NPAS3: variants seen among roughly 807,000 people sequenced by gnomAD.
NPAS3 encodes the protein neuronal PAS domain protein 3, also known as neuronal PAS domain-containing protein 3.
NPAS3 carries 14 observed loss-of-function variants against 73.1 expected under a neutral mutation model. The ratio of observed to expected loss-of-function variants is 0.19; its 90% CI spans 0.13 to 0.30. The LOEUF (loss-of-function observed/expected upper bound fraction) is 0.30, where lower values mean the gene tolerates loss of function less well. Among genes scored for constraint, NPAS3 ranks in the 10% least tolerant of loss-of-function variants. The probability of loss-of-function intolerance (pLI) is 1.00; values close to 1 mark genes in which losing one functional copy is unlikely to be tolerated. For missense variants in NPAS3, 1,096 were observed against 1,250.0 expected (o/e 0.88, Z 1.86); for synonymous variants, 620 against 541.5 (o/e 1.14, Z -2.01).
At chr14:33,087,649 T>C (rs536911493) in intron 2 of NPAS3, among the ~76,000 whole-genome samples, 87 of 152,248 alleles carry the variant, frequency 5.7e-4, no homozygotes, top group African/African-American at 2.0e-3. Flanking sequence ...ATGCCAGTCA[T>C]GGTTGGGGGA....
At chr14:33,404,741 G>A (rs1271866880) in intron 4 of NPAS3, among the ~76,000 whole-genome samples, 1 of 152,032 alleles carries the variant, frequency 6.6e-6, no homozygotes, top group African/African-American at 2.4e-5. Flanking sequence ...GACACTTTAT[G>A]AAAATGACAT....
intron 7 of NPAS3, among the ~76,000 whole-genome samples, chr14:33,740,034 T>A (rs1217658863): frequency 6.6e-6 from 1 of 152,172 alleles, no homozygotes; most frequent in Non-Finnish European, 1.5e-5. Flanking sequence ...CATTTTGAGA[T>A]TTTACTTACA....
At chr14:33,546,214 T>C (rs763106836) in intron 4 of NPAS3, among the ~76,000 whole-genome samples, 3 of 152,202 alleles carry the variant, frequency 2.0e-5, no homozygotes, top group Non-Finnish European at 4.4e-5. Flanking sequence ...GGCAGAGATA[T>C]GAAAGAATCC....
At chr14:33,189,719 C>T (rs1174489366) in intron 2 of NPAS3, among the ~76,000 whole-genome samples, 1 of 152,138 alleles carries the variant, frequency 6.6e-6, no homozygotes, top group Non-Finnish European at 1.5e-5. Flanking sequence ...AAAAATGTGT[C>T]ATCCCTTTGT....
intron 4 of NPAS3, among the ~76,000 whole-genome samples, chr14:33,526,804 C>G (rs991356934): frequency 6.6e-6 from 1 of 152,044 alleles, no homozygotes; most frequent in Non-Finnish European, 1.5e-5. Flanking sequence ...GCAGCCAAAG[C>G]GGCACATCAT....
chr14:33,183,776 C>T (rs991767212), intron 2 of NPAS3, among the ~76,000 whole-genome samples: 18 of 152,076 alleles, frequency 1.2e-4, no homozygotes, highest in South Asian at 4.2e-4. Context: ...ATCTGTTGGA[C>T]GACTTTTAAG....
intron 7 of NPAS3, among the ~76,000 whole-genome samples, chr14:33,745,983 G>C (rs2061778614): frequency 6.6e-6 from 1 of 151,858 alleles, no homozygotes. Context: ...TTGATCTCTG[G>C]AATAAATGGA....
intron 4 of NPAS3, among the ~76,000 whole-genome samples, chr14:33,459,786 G>A (rs1261116598): frequency 2.0e-5 from 3 of 152,120 alleles, no homozygotes; most frequent in Non-Finnish European, 4.4e-5. Context: ...TCTGCTCCCT[G>A]GCTGAGTCAG....
At chr14:33,512,474 A>G (rs1951380) in intron 4 of NPAS3, among the ~76,000 whole-genome samples, 92,667 of 151,848 alleles carry the variant, frequency 0.61, 28,426 homozygotes, top group South Asian at 0.74. Flanking sequence ...CAGATTTGTC[A>G]GATCAAAATA....
intron 3 of NPAS3, among the ~76,000 whole-genome samples, chr14:33,256,893 T>G (rs998907461): frequency 1.3e-5 from 2 of 152,188 alleles, no homozygotes; most frequent in African/African-American, 4.8e-5. Context: ...TTAGCGGTCA[T>G]TGAGACATCA....
chr14:33,512,219 C>G (rs1277831193), intron 4 of NPAS3, among the ~76,000 whole-genome samples: 1 of 152,036 alleles, frequency 6.6e-6, no homozygotes, highest in East Asian at 1.9e-4. Context: ...TGGATCCAAG[C>G]TAGTTGGCTC....
At chr14:33,095,829 C>T (rs1391371079) in intron 2 of NPAS3, among the ~76,000 whole-genome samples, 2 of 151,484 alleles carry the variant, frequency 1.3e-5, no homozygotes, top group African/African-American at 4.9e-5. Context: ...CCACCATGCC[C>T]GGCTAATTTT....
At chr14:33,589,475 G>A (rs963428438) in intron 5 of NPAS3, among the ~76,000 whole-genome samples, 6 of 152,072 alleles carry the variant, frequency 3.9e-5, no homozygotes, top group Non-Finnish European at 7.4e-5. Flanking sequence ...CTATTGTTAC[G>A]TCAGCACACA....
chr14:33,004,366 T>C (rs2038915073), intron 1 of NPAS3, among the ~76,000 whole-genome samples: 1 of 152,224 alleles, frequency 6.6e-6, no homozygotes, highest in African/African-American at 2.4e-5. Flanking sequence ...GTTATTGTAC[T>C]GAATATTGTA....
intron 2 of NPAS3, among the ~76,000 whole-genome samples, chr14:33,124,108 C>G (rs566099245): frequency 2.6e-5 from 4 of 152,120 alleles, no homozygotes; most frequent in Admixed American, 2.6e-4. Context: ...TCTGCCTCGG[C>G]CTACCAAAGT....
chr14:33,473,241 T>C (rs182472736), intron 4 of NPAS3, among the ~76,000 whole-genome samples: 2 of 152,156 alleles, frequency 1.3e-5, no homozygotes, highest in South Asian at 2.1e-4. Context: ...CTTCACCTAA[T>C]AGGCATTTAA....
intron 1 of NPAS3, among the ~76,000 whole-genome samples, chr14:33,001,656 C>T (rs1041458257): frequency 2.0e-5 from 3 of 152,124 alleles, no homozygotes; most frequent in Admixed American, 6.5e-5. Flanking sequence ...CAGGATGCCT[C>T]TTCAGCCTGT....
At chr14:33,255,118 A>G (rs1381081727) in intron 3 of NPAS3, among the ~76,000 whole-genome samples, 3 of 152,152 alleles carry the variant, frequency 2.0e-5, no homozygotes, top group African/African-American at 4.8e-5. Context: ...GTTCAGTAAT[A>G]TGTTTCTTTC....
chr14:33,639,875 G>A (rs138064151), intron 5 of NPAS3, among the ~76,000 whole-genome samples: 127 of 152,244 alleles, frequency 8.3e-4, no homozygotes, highest in Middle Eastern at 3.4e-3. Flanking sequence ...TCCATCCATA[G>A]TTTTGTGTTC....
Sources: allele counts gnomAD v4.1 joint callset (sites outside exome capture counted in the v4.1 genomes callset), GRCh38; gene constraint gnomAD v4.1.1; transcripts MANE v1.5; gene names NCBI Gene and HGNC (gene_info 2026-07-23, HGNC 2026-07-21).